The following SLC7A14 variants were observed in gnomAD, a reference collection of about 807,000 sequenced individuals.
SLC7A14 encodes the protein gamma-aminobutyric acid transporter SLC7A14.
In SLC7A14, 37 loss-of-function variants were observed where a neutral mutation model predicts 60.2. The ratio of observed to expected loss-of-function variants is 0.61; its 90% CI spans 0.47 to 0.81. The LOEUF (loss-of-function observed/expected upper bound fraction) is 0.81, where lower values mean the gene tolerates loss of function less well. SLC7A14 is among the 30% of genes least tolerant of loss of function. SLC7A14 has a pLI of 0.00. For missense variants in SLC7A14, 886 were observed against 982.7 expected (o/e 0.90, Z 1.32); for synonymous variants, 399 against 395.8 (o/e 1.01, Z -0.10).
chr3:170,531,744 T>C (rs1420153770), intron 1 of SLC7A14, among the ~76,000 whole-genome samples: 1 of 152,156 alleles, frequency 6.6e-6, no homozygotes, highest in Non-Finnish European at 1.5e-5. Flanking sequence ...AGATGAGCAA[T>C]AAATGTGTGT....
At chr3:170,477,538 C>T (rs759899701) in intron 7 of SLC7A14, among the ~76,000 whole-genome samples, 5 of 152,198 alleles carry the variant, frequency 3.3e-5, no homozygotes, top group Non-Finnish European at 5.9e-5. Flanking sequence ...AGAATAATGG[C>T]TGATATGTGA....
At chr3:170,575,829 C>T (rs757843798) in intron 1 of SLC7A14, among the ~76,000 whole-genome samples, 3 of 152,178 alleles carry the variant, frequency 2.0e-5, no homozygotes, top group Non-Finnish European at 2.9e-5. Context: ...CAAGATTGGA[C>T]TCCATGAGCC....
intron 1 of SLC7A14, among the ~76,000 whole-genome samples, chr3:170,572,162 G>A (rs1451042021): frequency 1.3e-5 from 2 of 151,964 alleles, no homozygotes; most frequent in African/African-American, 4.8e-5. Context: ...CTCTGCTAAG[G>A]CAATGAAGAT....
chr3:170,574,961 A>G (rs1247658658), intron 1 of SLC7A14, among the ~76,000 whole-genome samples: 1 of 152,054 alleles, frequency 6.6e-6, no homozygotes, highest in African/African-American at 2.4e-5. Flanking sequence ...AGCTTAGGTG[A>G]TTTCTATTAA....
chr3:170,525,731 A>C (rs993579555), intron 2 of SLC7A14, among the ~76,000 whole-genome samples: 1 of 152,222 alleles, frequency 6.6e-6, no homozygotes, highest in South Asian at 2.1e-4. Context: ...AGAAGCTGGG[A>C]GGTGTATGAG....
Position 170,460,486 on chromosome 3 carries a change from T to A in SLC7A14, c.*6569A>T, listed in dbSNP as rs1323798136. 6.6e-6 allele frequency: 1 copy of A among 152,174 alleles called. No individual in the cohort carries two copies. Among genetic ancestry groups the A allele is most frequent in the Non-Finnish European group, 1.5e-5 (1 of 68,038 alleles). 9.4% of individuals were successfully genotyped at this position (152,174 alleles called of 1,614,324 possible). A position where few individuals can be genotyped will look rare whatever the true frequency, so the allele number is the denominator to read the frequency against. On this transcript the variant is annotated 3_prime_UTR_variant, in exon 8 of 8. Coordinates refer to ENST00000231706, the MANE Select transcript of SLC7A14 (RefSeq NM_020949.3). ...GGGGGTTTATGATTTCTAGGGTAAA[T>A]CCTCGCCTTTGGGAGTGTGAATGAG...
chr3:170,564,731 T>C (rs370610294), intron 1 of SLC7A14, among the ~76,000 whole-genome samples: 1 of 152,208 alleles, frequency 6.6e-6, no homozygotes, highest in Non-Finnish European at 1.5e-5. Context: ...TTGCCCTAAT[T>C]TGTGTTAATG....
At position 170,535,261 on chromosome 3, in the gene SLC7A14, A is replaced by G. The variant is rs762673108; in HGVS notation, c.-152-8173T>C. Among the ~76,000 whole-genome samples, 39 of 152,198 alleles carry G rather than the reference A, an allele frequency of 2.6e-4. 1 individual carries two copies. The highest frequency in any genetic ancestry group is 1.8e-3 in the Admixed American group (28 of 15,276). ...TATATAAGATAATATTAACAAAACC[A>G]GAGTTCAGGAAATGAAAAACTCTTC... On this transcript the variant is annotated intron_variant, in intron 1 of 7. Coordinates refer to ENST00000231706, the MANE Select transcript of SLC7A14 (RefSeq NM_020949.3). This position sits in a 1 kb window ranked among gnomAD's most constrained non-coding sequence, Gnocchi z 4.3.
Position 170,483,493 on chromosome 3 carries a change from T to C in SLC7A14, c.936A>G (p.Pro312=). 1.9e-6 allele frequency: 3 copies of C among 1,614,166 alleles called. No individual in the cohort carries two copies. Among genetic ancestry groups the C allele is most frequent in the East Asian group, 2.2e-5 (1 of 44,866 alleles). Residue 312 remains proline, a synonymous_variant, in exon 6 of 8, where the codon CCA becomes CCG. Coordinates refer to ENST00000231706, the MANE Select transcript of SLC7A14 (RefSeq NM_020949.3). ...SVSVILTLMV[P]YYTIDTESPL... is the part of the protein sequence containing the mutation. ...GGGATTCCGTGTCAATGGTATAATA[T>C]GGCACCATCAGAGTTAAGATCACGC...
chr3:170,561,348 T>C (rs1714644204), intron 1 of SLC7A14, among the ~76,000 whole-genome samples: 1 of 152,208 alleles, frequency 6.6e-6, no homozygotes, highest in Non-Finnish European at 1.5e-5. Context: ...TCGTACAAAA[T>C]ATATGTGCAG....
chr3:170,500,800 A>T (rs1331427135), intron 3 of SLC7A14, among the ~76,000 whole-genome samples: 2 of 150,690 alleles, frequency 1.3e-5, no homozygotes, highest in Non-Finnish European at 3.0e-5. Context: ...TTTAATTGCT[A>T]GCTACATAGT....
chr3:170,568,121 T>C (rs926171985), intron 1 of SLC7A14, among the ~76,000 whole-genome samples: 2 of 152,018 alleles, frequency 1.3e-5, no homozygotes, highest in East Asian at 1.9e-4. Flanking sequence ...AGGTTTTCTT[T>C]TAGGGTTTTT....
intron 1 of SLC7A14, among the ~76,000 whole-genome samples, chr3:170,540,519 G>A (rs901922642): frequency 1.3e-5 from 2 of 151,484 alleles, no homozygotes. Context: ...AATTTAAAAC[G>A]TTTTTGGAAA....
intron 7 of SLC7A14, among the ~76,000 whole-genome samples, chr3:170,471,665 G>T (rs769938454): frequency 6.6e-6 from 1 of 152,118 alleles, no homozygotes; most frequent in Non-Finnish European, 1.5e-5. Flanking sequence ...AATCAAGATG[G>T]TCACTGGGAA....
Position 170,480,289 on chromosome 3 carries a change from C to T in SLC7A14, c.1993G>A (p.Gly665Ser). The T allele has an allele frequency of 1.3e-6, 2 of 1,521,894 alleles. No individual in the cohort carries two copies. 94.3% of individuals were successfully genotyped at this position (1,521,894 alleles called of 1,614,324 possible). A position where few individuals can be genotyped will look rare whatever the true frequency, so the allele number is the denominator to read the frequency against. ...TAAGGCTCCAAAGGAAGTTGCTTAC[C>T]CACAAAGCACCAGACCGCAAACCGG... ...WIRFAVWCFV[G>S]LLIYFGYGIW... The change falls in exon 7 of 8, where the codon GGT (glycine) becomes AGT (serine). Residue 665 changes from glycine (G) to serine (S), a missense_variant and splice_region_variant. Gly to Ser is a moderately conservative substitution (Grantham distance 56). Transcript: ENST00000231706.
At chr3:170,529,996 A>T (rs181944877) in intron 1 of SLC7A14, among the ~76,000 whole-genome samples, 46 of 152,330 alleles carry the variant, frequency 3.0e-4, no homozygotes, top group African/African-American at 1.1e-3. Context: ...TTGGATTTCT[A>T]GACTCCAGAA....
rs1463287525 is a variant in SLC7A14 at position 170,499,371 on chromosome 3, A to AGCAG, written c.542-491_542-488dup. 1.1e-4 allele frequency among the ~76,000 whole-genome samples: 17 copies of AGCAG among 151,118 alleles called. 2 individuals are homozygous for AGCAG. Among genetic ancestry groups the AGCAG allele is most frequent in the Admixed American group, 9.2e-4 (14 of 15,204 alleles). ...AGATACCAGTATCTATTTGCAAATGAGCAGGATTTGGTAGATAGGTAAGAT... is the reference window on the plus strand; with the variant it reads ...AGATACCAGTATCTATTTGCAAATGAGCAGGCAGGATTTGGTAGATAGGTAAGAT... On this transcript the variant is annotated intron_variant, in intron 3 of 7. Coordinates refer to ENST00000231706, the MANE Select transcript of SLC7A14 (RefSeq NM_020949.3).
chr3:170,554,086 C>T (rs1238334432), intron 1 of SLC7A14, among the ~76,000 whole-genome samples: 5 of 151,698 alleles, frequency 3.3e-5, no homozygotes, highest in African/African-American at 7.3e-5. Flanking sequence ...CTCTGATAGT[C>T]AGTTGTTAAG....
At chr3:170,540,607 G>A (rs11916486) in intron 1 of SLC7A14, among the ~76,000 whole-genome samples, 277 of 152,212 alleles carry the variant, frequency 1.8e-3, no homozygotes, top group African/African-American at 6.5e-3. Flanking sequence ...GTGCTGCACA[G>A]GCCCTCAGGG....
Sources: allele counts gnomAD v4.1 joint callset (sites outside exome capture counted in the v4.1 genomes callset), GRCh38; gene constraint gnomAD v4.1.1; non-coding constraint Gnocchi (gnomAD v3.1); transcripts MANE v1.5; gene names NCBI Gene and HGNC (gene_info 2026-07-23, HGNC 2026-07-21).